Variants in ANP32E observed in about 807,000 individuals in gnomAD.
ANP32E encodes the protein acidic nuclear phosphoprotein 32 family member E.
Under a neutral mutation model 35.3 loss-of-function variants are expected in ANP32E, and 14 were observed. The observed-to-expected ratio is 0.40, with a 90% CI of 0.26 to 0.62. The LOEUF (loss-of-function observed/expected upper bound fraction) is 0.62. Ranked by LOEUF, ANP32E falls within the 20% of genes least tolerant of loss-of-function variation. ANP32E has a pLI of 0.45. For missense variants in ANP32E, 198 were observed against 304.4 expected (o/e 0.65, Z 2.60); for synonymous variants, 89 against 110.4 (o/e 0.81, Z 1.22).
chr1:150,232,489 TAG>T (rs1560005743), intron 1 of ANP32E, among the ~76,000 whole-genome samples: 3 of 125,294 alleles, frequency 2.4e-5, no homozygotes, highest in Non-Finnish European at 3.4e-5. Flanking sequence ...TTTTTTTTTG[TAG>T]ATGGAGTCTT....
intron 1 of ANP32E, chr1:150,234,666 C>T (rs1649635580): frequency 4.1e-6 from 4 of 985,588 alleles, no homozygotes; most frequent in African/African-American, 3.5e-5. Context: ...CGCGACCTGC[C>T]GCTCCGACTG....
chr1:150,221,771 T>A lies in ANP32E; in HGVS notation c.737-1010A>T, dbSNP rs587593741. On this transcript the variant is annotated intron_variant, in intron 6 of 6. Transcript: ENST00000583931. ...AAGTACAGATTAAGAAACCAAGGGCTTGACATCAATGCAATTGTTAGTAAA... is the reference window on the plus strand; with the variant it reads ...AAGTACAGATTAAGAAACCAAGGGCATGACATCAATGCAATTGTTAGTAAA... Among the ~76,000 whole-genome samples, 133 of 152,304 alleles carry A rather than the reference T, an allele frequency of 8.7e-4. No homozygotes were observed. In the Middle Eastern group the frequency reaches 0.014, roughly 16 times the overall value.
rs1553843162 is a variant in ANP32E at position 150,235,720 on chromosome 1, TGA to T, written c.54+11_54+12del. On this transcript the variant is annotated intron_variant, in intron 1 of 6. Coordinates refer to ENST00000583931, the MANE Select transcript of ANP32E (RefSeq NM_030920.5). This position sits in a 1 kb window ranked among gnomAD's most constrained non-coding sequence, Gnocchi z 4.2. The stretch of plus-strand genomic sequence containing the variant: ...GGACTGATGGGGAAGCGGTGGGGGC[TGA>T]GTCATCTCACCTCCTCCGGGGATCT... The T allele has an allele frequency of 6.2e-7, 1 of 1,613,644 alleles. No homozygotes were observed. The highest frequency in any genetic ancestry group is 1.3e-5 in the African/African-American group (1 of 75,014).
intron 5 of ANP32E, 78 bp from the exon 6 acceptor site, chr1:150,223,318 A>T: frequency 6.7e-7 from 1 of 1,482,808 alleles, no homozygotes. Flanking sequence ...TATTCCAACA[A>T]GAGCAAAGAA....
chr1:150,230,745 A>ACTT (rs1649288030), intron 2 of ANP32E, 52 bp from the exon 3 acceptor site: 1 of 1,404,650 alleles, frequency 7.1e-7, no homozygotes, highest in African/African-American at 3.0e-5. Flanking sequence ...ATCATATCAA[A>ACTT]CTTTTTTTTT....
intron 5 of ANP32E, among the ~76,000 whole-genome samples, chr1:150,226,385 G>A (rs76384056): frequency 0.02 from 3,085 of 152,216 alleles, 120 homozygotes; most frequent in African/African-American, 0.068. Context: ...CATTGAGGCT[G>A]TAACAGATTT....
chr1:150,226,723 T>G lies in ANP32E; in HGVS notation c.566A>C (p.Glu189Ala). Reference protein sequence around the residue: ...GPPEGYEEEEEEEEEEDEDED... With the variant: ...GPPEGYEEEEAEEEEEDEDED... Reference sequence around the variant, plus strand: ...ATCCTCATCCTCCTCTTCCTCTTCCTCCTCCTCTTCCTCATATCCTTCCGG... The same window carrying G: ...ATCCTCATCCTCCTCTTCCTCTTCCGCCTCCTCTTCCTCATATCCTTCCGG... The change falls in exon 5 of 7, where the codon GAG (glutamate) becomes GCG (alanine). Residue 189 changes from glutamate (E) to alanine (A), a missense_variant. Transcript: ENST00000583931. 6.3e-7 allele frequency: 1 copy of G among 1,584,152 alleles called. No individual in the cohort carries two copies. The highest frequency in any genetic ancestry group is 8.7e-7 in the Non-Finnish European group (1 of 1,153,396).
At position 150,231,758 on chromosome 1, in the gene ANP32E, C is replaced by A; in HGVS notation, c.204+19G>T. On this transcript the variant is annotated intron_variant, in intron 2 of 6. Transcript: ENST00000583931. Reference sequence around the variant, plus strand: ...CCGTGGCATTGAAATCATGATGCTTCACGTAAATGCCAACTTACTTTTCGA... The same window carrying A: ...CCGTGGCATTGAAATCATGATGCTTAACGTAAATGCCAACTTACTTTTCGA... The A allele has an allele frequency of 6.2e-7, 1 of 1,600,322 alleles. No homozygotes were observed. Among genetic ancestry groups the A allele is most frequent in the Non-Finnish European group, 8.5e-7 (1 of 1,175,014 alleles).
chr1:150,222,089 CAATAA>C (rs1559994444), intron 6 of ANP32E, among the ~76,000 whole-genome samples: 2 of 137,030 alleles, frequency 1.5e-5, no homozygotes, highest in Non-Finnish European at 3.0e-5. Context: ...TGTCTCAAAA[CAATAA>C]AATGAAATAA....
intron 1 of ANP32E, chr1:150,234,642 A>G: frequency 1.0e-6 from 1 of 985,560 alleles, no homozygotes; most frequent in Non-Finnish European, 1.2e-6. Flanking sequence ...CCCGCTGGCC[A>G]CCAGCCCTGC....
At chr1:150,222,727 C>T (rs1648530967) in intron 6 of ANP32E, among the ~76,000 whole-genome samples, 1 of 151,360 alleles carries the variant, frequency 6.6e-6, no homozygotes, top group South Asian at 2.1e-4. Context: ...TCACTGTACT[C>T]GCCTGGGTAA....
chr1:150,218,670 AG>A lies in ANP32E; in HGVS notation c.*2020del, dbSNP rs1211076379. 1 of 152,650 alleles carries A rather than the reference AG, an allele frequency of 6.6e-6. No individual in the cohort carries two copies. The highest frequency in any genetic ancestry group is 1.5e-5 in the Non-Finnish European group (1 of 68,040). 9.5% of individuals were successfully genotyped at this position (152,650 alleles called of 1,614,324 possible). ...ACAATATATACATACTGCCATACAA[AG>A]AGCATTAAAATAGGACCGAAAACTT... On this transcript the variant is annotated 3_prime_UTR_variant, in exon 7 of 7. Transcript: ENST00000583931.
rs144321821 is a variant in ANP32E, at chr1:150,226,746, C to T, written c.543G>A (p.Pro181=). 3.8e-5 allele frequency: 61 copies of T among 1,591,574 alleles called. No individual in the cohort carries two copies. Among genetic ancestry groups the T allele is most frequent in the Non-Finnish European group, 4.6e-5 (53 of 1,161,722 alleles). Residue 181 remains proline, a synonymous_variant, in exon 5 of 7, where the codon CCG becomes CCA. Coordinates refer to ENST00000583931, the MANE Select transcript of ANP32E (RefSeq NM_030920.5). ...EEEEENEAGP[P]EGYEEEEEEE... is the part of the protein sequence containing the mutation. The stretch of plus-strand genomic sequence containing the variant: ...CCTCCTCCTCTTCCTCATATCCTTC[C>T]GGTGGACCAGCTTCATTTTCCTCTT...
At chr1:150,226,844 TC>T in intron 4 of ANP32E, 49 bp from the exon 5 acceptor site, 1 of 1,550,716 alleles carries the variant, frequency 6.4e-7, no homozygotes, top group South Asian at 1.2e-5. Context: ...AAATGTTTCT[TC>T]CTAGGATGTT....
intron 5 of ANP32E, among the ~76,000 whole-genome samples, chr1:150,223,883 T>C (rs587725180): frequency 6.6e-6 from 1 of 151,830 alleles, no homozygotes; most frequent in African/African-American, 2.4e-5. Flanking sequence ...TTAGCTGGGA[T>C]TACAGGCATG....
chr1:150,234,670 C>G (rs1457547645), intron 1 of ANP32E: 1 of 985,518 alleles, frequency 1.0e-6, no homozygotes, highest in Non-Finnish European at 1.2e-6. Context: ...ACCTGCCGCT[C>G]CGACTGACGG....
intron 5 of ANP32E, among the ~76,000 whole-genome samples, chr1:150,225,260 A>G (rs947132371): frequency 6.6e-6 from 1 of 152,208 alleles, no homozygotes; most frequent in African/African-American, 2.4e-5. Flanking sequence ...GCAAAAAACA[A>G]AAAGTTCATC....
intron 5 of ANP32E, among the ~76,000 whole-genome samples, chr1:150,225,065 CAGAT>C (rs1553839407): frequency 6.6e-6 from 1 of 152,130 alleles, no homozygotes; most frequent in African/African-American, 2.4e-5. Flanking sequence ...TCAGAGGTAA[CAGAT>C]GGAGGAGTGA....
At chr1:150,226,229 G>A (rs950911804) in intron 5 of ANP32E, among the ~76,000 whole-genome samples, 1 of 151,994 alleles carries the variant, frequency 6.6e-6, no homozygotes, top group Non-Finnish European at 1.5e-5. Flanking sequence ...GGCTGGTCTC[G>A]AACTCCTGAC....
Sources: gnomAD v4.1 joint callset for allele counts (sites outside exome capture counted in the v4.1 genomes callset) on GRCh38, gnomAD v4.1.1 for gene constraint, Gnocchi (gnomAD v3.1) non-coding constraint, MANE v1.5 for transcripts, NCBI Gene and HGNC (gene_info 2026-07-23, HGNC 2026-07-21) for gene names.